Variants in MYO3A observed in about 807,000 individuals in gnomAD.
The protein encoded by MYO3A is myosin-IIIa.
MYO3A carries 180 observed loss-of-function variants against 192.7 expected under a neutral mutation model. The ratio of observed to expected loss-of-function variants is 0.93; its 90% CI spans 0.83 to 1.06. MYO3A has a LOEUF of 1.06. MYO3A is among the 50% of genes least tolerant of loss of function. The probability of loss-of-function intolerance (pLI) is 0.00; values close to 1 mark genes in which losing one functional copy is unlikely to be tolerated. For synonymous variants in MYO3A, 628 were observed against 645.3 expected (o/e 0.97, Z 0.41); for missense variants, 1,896 against 1,905.0 (o/e 1.00, Z 0.09).
Position 26,212,178 on chromosome 10 carries a change from GCT to G in MYO3A, c.*223_*224del. 1.6e-6 allele frequency: 1 copy of G among 643,600 alleles called. No individual in the cohort carries two copies. Among genetic ancestry groups the G allele is most frequent in the South Asian group, 2.7e-5 (1 of 37,656 alleles). 39.9% of individuals were successfully genotyped at this position (643,600 alleles called of 1,614,324 possible). A position where few individuals can be genotyped will look rare whatever the true frequency, so the allele number is the denominator to read the frequency against. ...GAGCCCTCGGGAAACCTCCCCCGAC[GCT>G]CTCTCTCGGAACTCCCGCACCCTCC... On this transcript the variant is annotated 3_prime_UTR_variant, in exon 35 of 35. Transcript: ENST00000642920.
intron 3 of MYO3A, among the ~76,000 whole-genome samples, chr10:25,954,185 A>T (rs1026261267): frequency 5.3e-5 from 8 of 152,116 alleles, no homozygotes; most frequent in Non-Finnish European, 1.2e-4. Flanking sequence ...TAATAAAACA[A>T]CATAGGCATT....
chr10:26,109,492 C>G (rs1375422621), intron 17 of MYO3A, among the ~76,000 whole-genome samples: 3 of 152,160 alleles, frequency 2.0e-5, no homozygotes, highest in African/African-American at 7.2e-5. Flanking sequence ...GGCTACCTGC[C>G]CCTTAGCCAA....
intron 10 of MYO3A, among the ~76,000 whole-genome samples, chr10:26,036,393 T>C (rs955877941): frequency 7.2e-4 from 109 of 152,180 alleles, no homozygotes; most frequent in Non-Finnish European, 1.2e-4. Context: ...ATCATCAACA[T>C]AGTGATGTTT....
chr10:26,070,435 A>T (rs745635096), intron 14 of MYO3A, 34 bp downstream of exon 14: 16 of 1,552,304 alleles, frequency 1.0e-5, no homozygotes. Flanking sequence ...CCCATCAGAA[A>T]TATTTGTTGA....
At chr10:26,035,065 C>T (rs767055236) in intron 10 of MYO3A, among the ~76,000 whole-genome samples, 4 of 151,864 alleles carry the variant, frequency 2.6e-5, no homozygotes, top group Admixed American at 6.6e-5. Flanking sequence ...GGAAAGGTCT[C>T]GTAAAGGAAT....
intron 17 of MYO3A, among the ~76,000 whole-genome samples, chr10:26,104,539 T>C (rs1177113374): frequency 6.6e-6 from 1 of 152,178 alleles, no homozygotes; most frequent in Non-Finnish European, 1.5e-5. Context: ...GATTTATATA[T>C]TTATCCTTAT....
chr10:25,997,569 C>A (rs538000509), intron 6 of MYO3A, among the ~76,000 whole-genome samples: 35 of 152,306 alleles, frequency 2.3e-4, no homozygotes, highest in African/African-American at 8.4e-4. Context: ...ATGGTTCCTA[C>A]TAGTGATTGC....
intron 2 of MYO3A, among the ~76,000 whole-genome samples, chr10:25,950,140 T>G (rs956978217): frequency 2.0e-5 from 3 of 151,800 alleles, no homozygotes; most frequent in African/African-American, 7.3e-5. Context: ...TTCTAAGAAA[T>G]TGACATTTGA....
chr10:26,152,487 A>G lies in MYO3A; in HGVS notation c.2636-1363A>G, dbSNP rs147143157. On this transcript the variant is annotated intron_variant, in intron 23 of 34. Transcript: ENST00000642920. ...CTAAAATAACCATGGCCCTTTGTATATATGACTTCACATATGACATACAGT... is the reference window on the plus strand; with the variant it reads ...CTAAAATAACCATGGCCCTTTGTATGTATGACTTCACATATGACATACAGT... Among the ~76,000 whole-genome samples, 729 of 152,296 alleles carry G rather than the reference A, an allele frequency of 4.8e-3. 3 individuals are homozygous for G. Among genetic ancestry groups the G allele is most frequent in the Non-Finnish European group, 7.4e-3 (504 of 68,022 alleles).
intron 17 of MYO3A, among the ~76,000 whole-genome samples, chr10:26,102,653 T>C (rs1837534937): frequency 1.3e-5 from 2 of 152,232 alleles, no homozygotes; most frequent in Admixed American, 6.5e-5. Flanking sequence ...CATTGGAATT[T>C]GCTGGAGGTC....
At chr10:25,935,240 A>T (rs1016543629) in intron 1 of MYO3A, among the ~76,000 whole-genome samples, 6 of 152,192 alleles carry the variant, frequency 3.9e-5, no homozygotes, top group African/African-American at 1.4e-4. Context: ...CCAGGAAAGG[A>T]TGTCCTTTCA....
chr10:26,050,620 A>C (rs1843936501), intron 10 of MYO3A, among the ~76,000 whole-genome samples: 1 of 152,256 alleles, frequency 6.6e-6, no homozygotes, highest in Admixed American at 6.5e-5. Flanking sequence ...AATAACCATC[A>C]AATAGTCTTG....
intron 10 of MYO3A, among the ~76,000 whole-genome samples, chr10:26,055,147 C>T (rs1393121273): frequency 6.6e-6 from 1 of 152,172 alleles, no homozygotes; most frequent in Non-Finnish European, 1.5e-5. Context: ...CTTTTGGAAA[C>T]CACTTCTTCC....
intron 2 of MYO3A, among the ~76,000 whole-genome samples, chr10:25,944,832 A>G (rs1341684994): frequency 1.3e-5 from 2 of 152,060 alleles, no homozygotes; most frequent in Non-Finnish European, 2.9e-5. Flanking sequence ...GTTTCGAAGA[A>G]TCAACTCATG....
chr10:25,940,998 C>G (rs1470843775), intron 2 of MYO3A, among the ~76,000 whole-genome samples: 2 of 152,174 alleles, frequency 1.3e-5, no homozygotes, highest in Non-Finnish European at 2.9e-5. Context: ...TGCCTTTTCT[C>G]CATTCTCTTA....
chr10:25,994,927 C>A (rs936073052), intron 4 of MYO3A, among the ~76,000 whole-genome samples: 1 of 152,210 alleles, frequency 6.6e-6, no homozygotes. Context: ...ATCTTTCTCT[C>A]TGGCTGCCCT....
chr10:26,159,309 A>T (rs944297141), intron 26 of MYO3A, among the ~76,000 whole-genome samples: 20 of 142,302 alleles, frequency 1.4e-4, no homozygotes, highest in Non-Finnish European at 2.3e-4. Flanking sequence ...TAATTTTTAT[A>T]TGTTCAGCAA....
Position 26,125,497 on chromosome 10 carries a change from T to C in MYO3A, c.2003T>C (p.Val668Ala), listed in dbSNP as rs756880512. The change falls in exon 19 of 35, where the codon GTA becomes GCA. Residue 668 changes from valine (V) to alanine (A), a missense_variant. Val to Ala is a moderately conservative substitution (Grantham distance 64). Transcript: ENST00000642920. The part of the protein sequence containing the change: ...RGETIIRPNT[V>A]EKATDVRDAM... ...GAAACAATTATACGACCCAATACTG[T>C]AGAAAAAGCTACCGATGTCAGGGAT... The C allele has an allele frequency of 1.1e-5, 17 of 1,614,072 alleles. No homozygotes were observed. Among genetic ancestry groups the C allele is most frequent in the Non-Finnish European group, 1.4e-5 (16 of 1,179,942 alleles).
chr10:26,151,929 T>G (rs1450059956), intron 23 of MYO3A, among the ~76,000 whole-genome samples: 1 of 152,254 alleles, frequency 6.6e-6, no homozygotes, highest in African/African-American at 2.4e-5. Flanking sequence ...TTTAGTTGTT[T>G]GAGGTGCGAA....
Sources: allele counts gnomAD v4.1 joint callset (sites outside exome capture counted in the v4.1 genomes callset), GRCh38; gene constraint gnomAD v4.1.1; transcripts MANE v1.5; gene names NCBI Gene and HGNC (gene_info 2026-07-23, HGNC 2026-07-21).